Variants in SOX5 observed in about 807,000 individuals in gnomAD.
The protein encoded by SOX5 is transcription factor SOX-5.
A neutral mutation model predicts 92.0 loss-of-function variants in SOX5; 9 were observed. The observed-to-expected ratio is 0.10, with a 90% confidence interval of 0.06 to 0.17. SOX5 has a LOEUF of 0.17. Ranked by LOEUF, SOX5 falls within the 10% of genes least tolerant of loss-of-function variation. The pLI is 1.00. For missense variants in SOX5, 642 were observed against 944.5 expected (o/e 0.68, Z 4.20); for synonymous variants, 344 against 336.3 (o/e 1.02, Z -0.25).
At chr12:23,811,292 A>C (rs1319562051) in intron 3 of SOX5, among the ~76,000 whole-genome samples, 1 of 152,148 alleles carries the variant, frequency 6.6e-6, no homozygotes, top group African/African-American at 2.4e-5. Flanking sequence ...TGAAAACCAT[A>C]CCATTAAAAT....
chr12:23,772,987 T>A (rs995351682), intron 3 of SOX5, among the ~76,000 whole-genome samples: 1 of 152,156 alleles, frequency 6.6e-6, no homozygotes, highest in African/African-American at 2.4e-5. Flanking sequence ...ATATCAGTCT[T>A]CATTTACTGA....
chr12:24,362,971 C>T (rs190935626), intron 2 of SOX5, among the ~76,000 whole-genome samples: 1 of 151,828 alleles, frequency 6.6e-6, no homozygotes, highest in Non-Finnish European at 1.5e-5. Context: ...GACCCAATTC[C>T]TCAAATTCAT....
intron 9 of SOX5, among the ~76,000 whole-genome samples, chr12:23,578,077 G>C (rs1949454883): frequency 8.6e-6 from 1 of 116,746 alleles, no homozygotes; most frequent in South Asian, 3.0e-4. Flanking sequence ...GTTAGATCGT[G>C]CCACTGCACT....
chr12:23,733,503 C>G (rs1461061257), intron 6 of SOX5, among the ~76,000 whole-genome samples: 1 of 152,040 alleles, frequency 6.6e-6, no homozygotes, highest in Non-Finnish European at 1.5e-5. Flanking sequence ...GGGGAAATGT[C>G]CTCGGCTGGA....
At chr12:23,645,748 CTA>C (rs139430735) in intron 7 of SOX5, among the ~76,000 whole-genome samples, 4,237 of 152,102 alleles carry the variant, frequency 0.028, 91 homozygotes, top group African/African-American at 0.053. Context: ...ATGAAATTAA[CTA>C]TCTTTCCTTT....
intron 4 of SOX5, among the ~76,000 whole-genome samples, chr12:24,188,211 A>G (rs1956198314): frequency 6.6e-6 from 1 of 152,204 alleles, no homozygotes; most frequent in Non-Finnish European, 1.5e-5. Flanking sequence ...TTAAATGAAC[A>G]AGGCAAAGAG....
intron 2 of SOX5, among the ~76,000 whole-genome samples, chr12:24,314,648 T>C (rs1169143051): frequency 2.0e-5 from 3 of 152,236 alleles, no homozygotes; most frequent in Non-Finnish European, 2.9e-5. Flanking sequence ...GTCCTTACAA[T>C]GCCCTATGCG....
In SOX5 at chr12:24,190,931, C is replaced by G. The variant is rs75265463; in HGVS notation, c.-2+22412G>C. On this transcript the variant is annotated intron_variant, in intron 4 of 4. Transcript: ENST00000446891. ...ATCAAATAAGACAGGAAATAACCTT[C>G]TTTTAATTAAGATAAAATTTAAAAA... Among the ~76,000 whole-genome samples the G allele has an allele frequency of 4.8e-3, 726 of 152,198 alleles. 6 individuals are homozygous for G. Among genetic ancestry groups the G allele is most frequent in the African/African-American group, 0.017 (697 of 41,522 alleles).
intron 1 of SOX5, among the ~76,000 whole-genome samples, chr12:23,948,797 A>G (rs190077104): frequency 6.6e-6 from 1 of 152,116 alleles, no homozygotes; most frequent in African/African-American, 2.4e-5. Context: ...AACAACATCA[A>G]ATAAAAGGAT....
chr12:24,390,298 C>T (rs1566050508), intron 1 of SOX5, among the ~76,000 whole-genome samples: 3 of 152,136 alleles, frequency 2.0e-5, no homozygotes, highest in Admixed American at 6.6e-5. Flanking sequence ...CTATTAATGA[C>T]GTTAAAGGTG....
intron 4 of SOX5, among the ~76,000 whole-genome samples, chr12:24,117,391 A>AAATTAGT (rs1165258729): frequency 2.0e-5 from 3 of 152,182 alleles, no homozygotes; most frequent in Non-Finnish European, 4.4e-5. Flanking sequence ...AATTTTGGAG[A>AAATTAGT]ACAGTATGGA....
chr12:24,112,536 T>C (rs1947485522), intron 4 of SOX5, among the ~76,000 whole-genome samples: 1 of 142,882 alleles, frequency 7.0e-6, no homozygotes, highest in African/African-American at 2.6e-5. Flanking sequence ...TTTTTTTTTT[T>C]TTTTTTTTTT....
chr12:24,151,366 C>A (rs1204141281), intron 4 of SOX5, among the ~76,000 whole-genome samples: 1 of 152,072 alleles, frequency 6.6e-6, no homozygotes, highest in Non-Finnish European at 1.5e-5. Flanking sequence ...AAATTCTACA[C>A]AGTCATTGGA....
chr12:24,544,265 C>T (rs1254032126), intron 1 of SOX5, among the ~76,000 whole-genome samples: 1 of 152,090 alleles, frequency 6.6e-6, no homozygotes, highest in East Asian at 1.9e-4. Context: ...CAGGAAAGTG[C>T]TTATAAATAT....
At chr12:24,034,318 G>A (rs774173880) in intron 4 of SOX5, among the ~76,000 whole-genome samples, 32 of 151,924 alleles carry the variant, frequency 2.1e-4, no homozygotes, top group Non-Finnish European at 8.8e-5. Flanking sequence ...GAAGCTACTT[G>A]TTTCTCTCCC....
chr12:24,272,292 T>C (rs1943861109), intron 3 of SOX5, among the ~76,000 whole-genome samples: 1 of 152,178 alleles, frequency 6.6e-6, no homozygotes, highest in African/African-American at 2.4e-5. Flanking sequence ...TCTTGCAAAA[T>C]TGTCTTATTA....
chr12:23,541,501 G>A (rs1467268422), intron 13 of SOX5, among the ~76,000 whole-genome samples: 2 of 152,040 alleles, frequency 1.3e-5, no homozygotes, highest in Admixed American at 6.6e-5. Flanking sequence ...AATTTCACAT[G>A]GAAGGTAGAA....
rs568854284 is a variant in SOX5, at chr12:23,543,433, C to A, written c.1598-49G>T. ...GTGTTAGCGTTAAAACTTTTGTCAG[C>A]TCTTTTCCTTGCATTCCTATTTTTC... On this transcript the variant is annotated intron_variant, in intron 12 of 14. Coordinates refer to ENST00000451604, the MANE Select transcript of SOX5 (RefSeq NM_006940.6). 1.4e-4 allele frequency: 203 copies of A among 1,457,040 alleles called. 1 individual carries two copies. The South Asian group carries it at 2.4e-3, about 17-fold the overall frequency. The allele number at this position is 1,457,040 out of a possible 1,614,324, so 90.3% of individuals were successfully genotyped here.
intron 3 of SOX5, among the ~76,000 whole-genome samples, chr12:24,263,314 T>C (rs904216845): frequency 6.6e-6 from 1 of 151,500 alleles, no homozygotes; most frequent in Non-Finnish European, 1.5e-5. Flanking sequence ...GATCATGAGG[T>C]CAGGAGATCG....
Sources: gnomAD v4.1 joint callset for allele counts (sites outside exome capture counted in the v4.1 genomes callset) on GRCh38, gnomAD v4.1.1 for gene constraint, MANE v1.5 for transcripts, NCBI Gene and HGNC (gene_info 2026-07-23, HGNC 2026-07-21) for gene names.